THSD7B: variants seen among roughly 807,000 people sequenced by gnomAD.
THSD7B encodes the protein thrombospondin type-1 domain-containing protein 7B.
THSD7B carries 138 observed loss-of-function variants against 213.6 expected under a neutral mutation model. The ratio of observed to expected loss-of-function variants is 0.65; its 90% CI spans 0.56 to 0.74. The LOEUF (loss-of-function observed/expected upper bound fraction) is 0.74, where lower values mean the gene tolerates loss of function less well. Among genes scored for constraint, THSD7B ranks in the 30% least tolerant of loss-of-function variants. The pLI, the probability that THSD7B is intolerant of heterozygous loss-of-function variation, is 0.00. For missense variants in THSD7B, 1,931 were observed against 1,991.5 expected, an observed-to-expected ratio of 0.97 and a Z score of 0.58; for synonymous variants, 742 against 687.0, an observed-to-expected ratio of 1.08 and a Z score of -1.25.
Position 137,404,474 on chromosome 2 carries a change from T to TACACACACACACACAC in THSD7B, c.2501-1121_2501-1106dup, listed in dbSNP as rs1207612144. On this transcript the variant is annotated intron_variant, in intron 12 of 27. Transcript: ENST00000409968. ...ATATATATATATATATATATATATATACACACACACACACACACACACACA... is the reference window on the plus strand; with the variant it reads ...ATATATATATATATATATATATATATACACACACACACACACACACACACACACACACACACACACA... 1.9e-3 allele frequency among the ~76,000 whole-genome samples: 76 copies of TACACACACACACACAC among 40,240 alleles called. 2 individuals carry two copies. The highest frequency in any genetic ancestry group is 6.7e-3 in the African/African-American group (50 of 7,496). 26.4% of individuals were successfully genotyped at this position (40,240 alleles called of 152,430 possible).
chr2:136,814,701 AATTTTTT>A (rs1682442570), intron 1 of THSD7B, among the ~76,000 whole-genome samples: 1 of 152,140 alleles, frequency 6.6e-6, no homozygotes, highest in Non-Finnish European at 1.5e-5. Context: ...CTTAGTATAT[AATTTTTT>A]ATATATGCAA....
Position 137,377,397 on chromosome 2 carries a change from A to T in THSD7B, c.2501-28216A>T, listed in dbSNP as rs79759955. ...AAATATTAATTCCTTATTTGTGGGT[A>T]TACTTTTATTTAAAAAAGTTAATAT... On this transcript the variant is annotated intron_variant, in intron 12 of 27. Coordinates refer to ENST00000409968, the MANE Select transcript of THSD7B (RefSeq NM_001316349.2). Among the ~76,000 whole-genome samples the T allele has an allele frequency of 5.2e-3, 794 of 152,276 alleles. 8 individuals carry two copies. Among genetic ancestry groups the T allele is most frequent in the African/African-American group, 0.018 (742 of 41,558 alleles).
At chr2:137,443,783 G>A (rs909351514) in intron 14 of THSD7B, among the ~76,000 whole-genome samples, 1 of 151,920 alleles carries the variant, frequency 6.6e-6, no homozygotes, top group Non-Finnish European at 1.5e-5. Context: ...AAGGAAACTG[G>A]CTGACACCGA....
intron 12 of THSD7B, among the ~76,000 whole-genome samples, chr2:137,363,659 A>G (rs958169852): frequency 3.3e-5 from 5 of 152,358 alleles, no homozygotes; most frequent in Admixed American, 3.3e-4. Flanking sequence ...AAATTCCTCA[A>G]CACATACACC....
At chr2:137,557,419 G>A (rs1187050789) in intron 15 of THSD7B, among the ~76,000 whole-genome samples, 3 of 152,114 alleles carry the variant, frequency 2.0e-5, no homozygotes, top group Non-Finnish European at 4.4e-5. Context: ...CATGGATACT[G>A]AACAACCTGT....
intron 5 of THSD7B, among the ~76,000 whole-genome samples, chr2:137,158,228 A>C (rs1197902342): frequency 1.3e-5 from 2 of 152,170 alleles, no homozygotes; most frequent in African/African-American, 4.8e-5. Context: ...GATGAATCAC[A>C]AACCCCTTCC....
intron 17 of THSD7B, among the ~76,000 whole-genome samples, chr2:137,596,515 T>G (rs1447898717): frequency 6.6e-6 from 1 of 152,046 alleles, no homozygotes; most frequent in East Asian, 1.9e-4. Context: ...ATCAAACAAT[T>G]ATAGCTGTGT....
chr2:136,811,531 A>C (rs1428861267), intron 1 of THSD7B, among the ~76,000 whole-genome samples: 8 of 152,130 alleles, frequency 5.3e-5, no homozygotes, highest in Non-Finnish European at 1.2e-4. Flanking sequence ...TTTATTTATC[A>C]TGAAAATTTC....
intron 20 of THSD7B, among the ~76,000 whole-genome samples, chr2:137,628,034 CAT>C (rs749801128): frequency 7.9e-4 from 121 of 152,286 alleles, no homozygotes; most frequent in Middle Eastern, 3.4e-3. Flanking sequence ...GAATTTTGCA[CAT>C]GTTAGCGGTT....
chr2:137,301,552 G>A (rs186286734), intron 12 of THSD7B, among the ~76,000 whole-genome samples: 12 of 151,984 alleles, frequency 7.9e-5, no homozygotes, highest in African/African-American at 2.9e-4. Flanking sequence ...GCAGGAATGA[G>A]GTGAAGAGAA....
intron 17 of THSD7B, among the ~76,000 whole-genome samples, chr2:137,576,685 A>G (rs1681466806): frequency 6.6e-6 from 1 of 152,116 alleles, no homozygotes; most frequent in African/African-American, 2.4e-5. Flanking sequence ...GCCAATGCAG[A>G]AGCTGCCATT....
At chr2:137,202,961 T>TACA (rs1201452482) in intron 7 of THSD7B, among the ~76,000 whole-genome samples, 2 of 152,124 alleles carry the variant, frequency 1.3e-5, no homozygotes, top group African/African-American at 4.8e-5. Flanking sequence ...AGATAGGTGA[T>TACA]ACATGTGTAG....
chr2:137,411,047 T>G (rs537570049), intron 13 of THSD7B, among the ~76,000 whole-genome samples: 43 of 152,360 alleles, frequency 2.8e-4, no homozygotes, highest in African/African-American at 1.0e-3. Context: ...TAGAAGAATC[T>G]CTCAAAATGA....
chr2:137,437,215 A>G (rs1687313829), intron 14 of THSD7B, among the ~76,000 whole-genome samples: 1 of 152,190 alleles, frequency 6.6e-6, no homozygotes, highest in African/African-American at 2.4e-5. Flanking sequence ...TCAAATGTAC[A>G]CAGCCATAGC....
intron 2 of THSD7B, among the ~76,000 whole-genome samples, chr2:136,903,134 T>C (rs892472579): frequency 2.0e-5 from 3 of 150,566 alleles, no homozygotes; most frequent in African/African-American, 7.3e-5. Flanking sequence ...TAGAATAAGG[T>C]TATTGACAGC....
chr2:137,568,652 AAGTG>A (rs1308808738), intron 16 of THSD7B, among the ~76,000 whole-genome samples: 4 of 152,182 alleles, frequency 2.6e-5, no homozygotes, highest in Non-Finnish European at 5.9e-5. Flanking sequence ...CAGTAGGAGA[AAGTG>A]AGTGTCAGCA....
chr2:137,360,876 G>C (rs1374987415), intron 12 of THSD7B, among the ~76,000 whole-genome samples: 1 of 152,156 alleles, frequency 6.6e-6, no homozygotes, highest in Non-Finnish European at 1.5e-5. Context: ...GCATGTTTGA[G>C]CTCTGAGAAT....
intron 12 of THSD7B, among the ~76,000 whole-genome samples, chr2:137,398,906 G>T (rs189565768): frequency 1.6e-4 from 25 of 152,260 alleles, no homozygotes; most frequent in Non-Finnish European, 3.2e-4. Flanking sequence ...CGCAATATTC[G>T]GGTGGGAGTG....
intron 12 of THSD7B, among the ~76,000 whole-genome samples, chr2:137,286,342 A>T (rs990488044): frequency 6.6e-6 from 1 of 152,100 alleles, no homozygotes; most frequent in African/African-American, 2.4e-5. Flanking sequence ...TCGTCTGGAA[A>T]ACACATAGAA....
Sources: allele counts gnomAD v4.1 joint callset (sites outside exome capture counted in the v4.1 genomes callset), GRCh38; gene constraint gnomAD v4.1.1; transcripts MANE v1.5; gene names NCBI Gene and HGNC (gene_info 2026-07-23, HGNC 2026-07-21).